Variants in DIS3L2 observed in about 807,000 individuals in gnomAD.
DIS3L2 encodes the protein DIS3 like 3'-5' exoribonuclease 2.
A neutral mutation model predicts 97.5 loss-of-function variants in DIS3L2; 34 were observed. That is an observed-to-expected ratio of 0.35 (90% CI 0.27 to 0.46). The LOEUF (loss-of-function observed/expected upper bound fraction) is 0.46. Ranked by LOEUF, DIS3L2 falls within the 20% of genes least tolerant of loss-of-function variation. The pLI, the probability that DIS3L2 is intolerant of heterozygous loss-of-function variation, is 1.00. For missense variants in DIS3L2, 1,038 were observed against 1,146.0 expected (o/e 0.91, Z 1.36); for synonymous variants, 435 against 445.2 (o/e 0.98, Z 0.29).
intron 1 of DIS3L2, among the ~76,000 whole-genome samples, chr2:232,007,757 A>G (rs987249528): frequency 1.3e-5 from 2 of 152,254 alleles, no homozygotes; most frequent in Non-Finnish European, 2.9e-5. Context: ...GAAGAAATTT[A>G]AAAAATATGA....
At chr2:232,158,614 C>T (rs996308492) in intron 8 of DIS3L2, among the ~76,000 whole-genome samples, 1 of 152,076 alleles carries the variant, frequency 6.6e-6, no homozygotes, top group Non-Finnish European at 1.5e-5. Flanking sequence ...TTCTGGCTCT[C>T]GAAGCTTCTC....
Position 232,336,577 on chromosome 2 carries a change from G to A in DIS3L2, c.2605G>A (p.Glu869Lys), listed in dbSNP as rs369664231. 8 of 1,608,866 alleles carry A rather than the reference G, an allele frequency of 5.0e-6. No individual in the cohort carries two copies. The highest frequency in any genetic ancestry group is 6.8e-6 in the Non-Finnish European group (8 of 1,179,904). ...RPGTQGHLGPEKEEEESDGEP... is the reference protein window; with the variant it reads ...RPGTQGHLGPKKEEEESDGEP... The stretch of plus-strand genomic sequence containing the variant: ...AGGCACCCAGGGCCACCTGGGCCCT[G>A]AGAAGGAGGAGGAGGAGTCTGACGG... The change falls in exon 21 of 21, where the codon GAG becomes AAG. Residue 869 changes from glutamate to lysine, a missense_variant. This residue lies in a region of DIS3L2 where 221 missense variants were observed against 246.9 expected (regional missense o/e 0.90). Coordinates refer to ENST00000325385, the MANE Select transcript of DIS3L2 (RefSeq NM_152383.5).
chr2:231,989,072 A>G (rs976222272), intron 1 of DIS3L2, among the ~76,000 whole-genome samples: 4 of 152,174 alleles, frequency 2.6e-5, no homozygotes, highest in Admixed American at 6.5e-5. Flanking sequence ...AGACTAGTGT[A>G]TGGAGATGTG....
At chr2:232,101,311 T>C (rs1462852185) in intron 6 of DIS3L2, among the ~76,000 whole-genome samples, 1 of 152,254 alleles carries the variant, frequency 6.6e-6, no homozygotes, top group Admixed American at 6.5e-5. Context: ...TTTATTTGTA[T>C]TTCCTACAGT....
rs114188707 is a variant in DIS3L2 at position 232,075,537 on chromosome 2, A to C, written c.367-11950A>C. On this transcript the variant is annotated intron_variant, in intron 5 of 20. Coordinates refer to ENST00000325385, the MANE Select transcript of DIS3L2 (RefSeq NM_152383.5). ...CTGAGTCACCTTTGCTTAACTGTCA[A>C]CCCATATTATGGGTAACCCTCTAAT... Among the ~76,000 whole-genome samples the C allele has an allele frequency of 6.3e-3, 958 of 152,114 alleles. 10 individuals are homozygous for C. The highest frequency in any genetic ancestry group is 0.022 in the African/African-American group (904 of 41,496).
At chr2:232,337,246 A>C (rs1695990159), downstream of DIS3L2, 14 of 934,976 alleles carry the variant, frequency 1.5e-5, no homozygotes, top group Non-Finnish European at 1.8e-5. Flanking sequence ...GACGAATGTG[A>C]CTGTGTCCAA....
intron 9 of DIS3L2, among the ~76,000 whole-genome samples, chr2:232,205,413 C>T (rs1692003495): frequency 6.6e-6 from 1 of 151,912 alleles, no homozygotes; most frequent in Non-Finnish European, 1.5e-5. Flanking sequence ...TCCTACTTCT[C>T]AGGAGTAGTC....
intron 14 of DIS3L2, among the ~76,000 whole-genome samples, chr2:232,308,091 G>C (rs546985748): frequency 5.3e-5 from 8 of 152,354 alleles, no homozygotes; most frequent in African/African-American, 1.7e-4. Context: ...CTTCTGACTT[G>C]TCATCAGAGT....
chr2:232,218,556 T>A (rs1232633486), intron 10 of DIS3L2, among the ~76,000 whole-genome samples: 3 of 152,128 alleles, frequency 2.0e-5, no homozygotes, highest in Non-Finnish European at 2.9e-5. Context: ...AAGACCAAAC[T>A]TGGGAGTTTC....
intron 1 of DIS3L2, among the ~76,000 whole-genome samples, chr2:232,001,248 T>C (rs568258825): frequency 6.6e-6 from 1 of 152,348 alleles, no homozygotes; most frequent in African/African-American, 2.4e-5. Context: ...ATAGCCATTC[T>C]AGCAGGTATG....
chr2:232,338,310 C>T (rs553588109), downstream of DIS3L2, among the ~76,000 whole-genome samples: 141 of 152,268 alleles, frequency 9.3e-4, no homozygotes, highest in African/African-American at 3.2e-3. Context: ...CAGACCCGGA[C>T]GGACACCTGT....
Position 232,037,807 on chromosome 2 carries a change from C to T in DIS3L2, c.366+7727C>T, listed in dbSNP as rs1003818591. ...GGGGTGGGAGTTCCCTGACTCCTTGCACTTCCTGGGTGAGGTAACGCCCCA... is the reference window on the plus strand; with the variant it reads ...GGGGTGGGAGTTCCCTGACTCCTTGTACTTCCTGGGTGAGGTAACGCCCCA... On this transcript the variant is annotated intron_variant, in intron 5 of 20. Transcript: ENST00000325385. This position sits in a 1 kb window ranked among gnomAD's most constrained non-coding sequence, Gnocchi z 4.6. 3.3e-5 allele frequency among the ~76,000 whole-genome samples: 5 copies of T among 152,202 alleles called. No individual in the cohort carries two copies. Among genetic ancestry groups the T allele is most frequent in the African/African-American group, 1.2e-4 (5 of 41,448 alleles).
chr2:232,166,730 A>G (rs1690834392), intron 9 of DIS3L2, among the ~76,000 whole-genome samples: 1 of 151,580 alleles, frequency 6.6e-6, no homozygotes, highest in Non-Finnish European at 1.5e-5. Context: ...ACAACAAAAA[A>G]TTACTTTGGG....
At chr2:232,243,394 A>G in intron 11 of DIS3L2, among the ~76,000 whole-genome samples, 1 of 152,098 alleles carries the variant, frequency 6.6e-6, no homozygotes, top group Non-Finnish European at 1.5e-5. Context: ...TAGGGAAGTG[A>G]TACGGTCTCC....
chr2:232,136,815 C>A, intron 8 of DIS3L2, 96 bp downstream of exon 8: 1 of 1,461,108 alleles, frequency 6.8e-7, no homozygotes. Context: ...ATTATTATTT[C>A]TTTATTGAAG....
At chr2:232,153,946 A>T (rs1352642064) in intron 8 of DIS3L2, among the ~76,000 whole-genome samples, 46 of 148,274 alleles carry the variant, frequency 3.1e-4, no homozygotes, top group Non-Finnish European at 5.2e-4. Flanking sequence ...GCTTCATTTC[A>T]TTCATTTCAT....
chr2:232,073,576 A>G (rs1019611071), intron 5 of DIS3L2, among the ~76,000 whole-genome samples: 5 of 152,164 alleles, frequency 3.3e-5, no homozygotes, highest in Non-Finnish European at 5.9e-5. Context: ...GCACTCTTTA[A>G]TGATGGTCTT....
At chr2:232,233,541 A>G (rs1397311148) in intron 10 of DIS3L2, among the ~76,000 whole-genome samples, 1 of 152,188 alleles carries the variant, frequency 6.6e-6, no homozygotes, top group Admixed American at 6.5e-5. Context: ...TATCTATCAC[A>G]ACACATAATA....
rs1036748137 is a variant in DIS3L2 at position 232,037,289 on chromosome 2, G to C, written c.366+7209G>C. Among the ~76,000 whole-genome samples the C allele has an allele frequency of 9.2e-5, 14 of 152,168 alleles. No individual in the cohort carries two copies. Among genetic ancestry groups the C allele is most frequent in the African/African-American group, 3.1e-4 (13 of 41,436 alleles). ...GGCTACAGGGGCTTTGCGGTGCTGT[G>C]GTGGGCTCCGCCCAGCTTGAACTTC... On this transcript the variant is annotated intron_variant, in intron 5 of 20. Coordinates refer to ENST00000325385, the MANE Select transcript of DIS3L2 (RefSeq NM_152383.5). The surrounding 1 kb of genome is among the most constrained non-coding windows in gnomAD (Gnocchi z 4.6).
Sources: gnomAD v4.1 joint callset for allele counts (sites outside exome capture counted in the v4.1 genomes callset) on GRCh38, gnomAD v4.1.1 for gene constraint, gnomAD v4.1.1 regional missense constraint, Gnocchi (gnomAD v3.1) non-coding constraint, MANE v1.5 for transcripts, NCBI Gene and HGNC (gene_info 2026-07-23, HGNC 2026-07-21) for gene names.